The following PDZRN3 variants were observed in gnomAD, a reference collection of about 807,000 sequenced individuals.
PDZRN3 encodes PDZ domain containing ring finger 3.
A neutral mutation model predicts 85.7 loss-of-function variants in PDZRN3; 38 were observed. The observed-to-expected ratio is 0.44, with a 90% CI of 0.34 to 0.58. The LOEUF (loss-of-function observed/expected upper bound fraction) is 0.58, where lower values mean the gene tolerates loss of function less well. Ranked by LOEUF, PDZRN3 falls within the 20% of genes least tolerant of loss-of-function variation. The probability of loss-of-function intolerance (pLI) is 0.01; values close to 1 mark genes in which losing one functional copy is unlikely to be tolerated. For missense variants in PDZRN3, 1,629 were observed against 1,506.4 expected (o/e 1.08, Z -1.35); for synonymous variants, 759 against 638.0 (o/e 1.19, Z -2.86).
At chr3:73,584,187 T>C (rs371782755) in intron 3 of PDZRN3, among the ~76,000 whole-genome samples, 39 of 152,130 alleles carry the variant, frequency 2.6e-4, no homozygotes, top group African/African-American at 8.4e-4. Context: ...GACTTTTACT[T>C]CAATGCTCTT....
intron 3 of PDZRN3, among the ~76,000 whole-genome samples, chr3:73,432,458 G>A (rs950599370): frequency 2.0e-5 from 3 of 152,166 alleles, no homozygotes; most frequent in Admixed American, 1.3e-4. Context: ...AAGGAGAGTA[G>A]CAAGCCTCAA....
chr3:73,383,355 G>A lies in PDZRN3; in HGVS notation c.*10C>T. 1.9e-6 allele frequency: 3 copies of A among 1,591,370 alleles called. No homozygotes were observed. The highest frequency in any genetic ancestry group is 2.6e-6 in the Non-Finnish European group (3 of 1,168,936). ...TGGTCTCCTTTATGTACATAATGCA[G>A]AAGTGAAAATTATACAGTAGTCACC... On this transcript the variant is annotated 3_prime_UTR_variant, in exon 10 of 10. Coordinates refer to ENST00000263666, the MANE Select transcript of PDZRN3 (RefSeq NM_015009.3).
intron 3 of PDZRN3, among the ~76,000 whole-genome samples, chr3:73,519,939 C>T (rs921579725): frequency 6.6e-6 from 1 of 152,156 alleles, no homozygotes; most frequent in South Asian, 2.1e-4. Flanking sequence ...TACAATGCTC[C>T]TGCAGCTGTA....
At chr3:73,483,897 T>C (rs1703614585) in intron 3 of PDZRN3, among the ~76,000 whole-genome samples, 1 of 152,200 alleles carries the variant, frequency 6.6e-6, no homozygotes, top group Non-Finnish European at 1.5e-5. Context: ...TAGAACCATA[T>C]TCTTTACTGG....
chr3:73,550,824 C>T (rs573287252), intron 3 of PDZRN3, among the ~76,000 whole-genome samples: 7 of 152,282 alleles, frequency 4.6e-5, no homozygotes, highest in African/African-American at 1.4e-4. Context: ...AACAAAAACA[C>T]GCTGTTTCAG....
intron 3 of PDZRN3, among the ~76,000 whole-genome samples, chr3:73,444,757 C>T (rs1358197396): frequency 1.3e-5 from 2 of 152,212 alleles, no homozygotes; most frequent in Non-Finnish European, 2.9e-5. Flanking sequence ...CTCTTGGGGC[C>T]ATGCTTTTTG....
chr3:73,530,687 T>C (rs945446176), intron 3 of PDZRN3, among the ~76,000 whole-genome samples: 6 of 152,362 alleles, frequency 3.9e-5, no homozygotes, highest in Non-Finnish European at 7.3e-5. Flanking sequence ...CCAGAAATTT[T>C]GGATTTATTT....
chr3:73,511,002 C>T (rs747551054), intron 3 of PDZRN3, among the ~76,000 whole-genome samples: 1 of 152,142 alleles, frequency 6.6e-6, no homozygotes, highest in South Asian at 2.1e-4. Context: ...AAATACTCTA[C>T]AGTTCTGACA....
chr3:73,581,446 A>G (rs567090599), intron 3 of PDZRN3, among the ~76,000 whole-genome samples: 145 of 152,190 alleles, frequency 9.5e-4, no homozygotes, highest in Non-Finnish European at 1.7e-3. Context: ...TTTATTTAAG[A>G]TTTCTGATTA....
chr3:73,442,677 AGTC>A (rs63210660), intron 3 of PDZRN3, among the ~76,000 whole-genome samples: 2,390 of 147,616 alleles, frequency 0.016, 66 homozygotes, highest in African/African-American at 0.056. Context: ...AATCAGCAGC[AGTC>A]GTCTGAAAAT....
chr3:73,607,418 C>T (rs543907600), intron 2 of PDZRN3, among the ~76,000 whole-genome samples: 135 of 152,252 alleles, frequency 8.9e-4, no homozygotes, highest in African/African-American at 2.9e-3. Context: ...CACCTCCTCC[C>T]GCAGGGTTAA....
At chr3:73,488,532 T>G (rs1703708167) in intron 3 of PDZRN3, among the ~76,000 whole-genome samples, 1 of 152,210 alleles carries the variant, frequency 6.6e-6, no homozygotes, top group Non-Finnish European at 1.5e-5. Context: ...GGGACTTGGC[T>G]TCAATGACTT....
At chr3:73,487,348 G>C (rs539193461) in intron 3 of PDZRN3, among the ~76,000 whole-genome samples, 35 of 152,086 alleles carry the variant, frequency 2.3e-4, no homozygotes, top group African/African-American at 8.2e-4. Context: ...TTTACCTCTG[G>C]GGGGAAAAGC....
intron 3 of PDZRN3, among the ~76,000 whole-genome samples, chr3:73,405,213 G>A (rs142214459): frequency 3.3e-5 from 5 of 152,312 alleles, no homozygotes; most frequent in African/African-American, 7.2e-5. Context: ...AACGTTGGAC[G>A]CGGTGTCCAG....
chr3:73,534,270 T>C (rs1704726832), intron 3 of PDZRN3, among the ~76,000 whole-genome samples: 1 of 152,148 alleles, frequency 6.6e-6, no homozygotes, highest in Admixed American at 6.5e-5. Flanking sequence ...CACATAACAA[T>C]GAAGGGCTGA....
rs66466551 is a variant in PDZRN3, at chr3:73,424,367, CAAAAAAAAAAAAA to C, written c.919-19985_919-19973del. Among the ~76,000 whole-genome samples the C allele has an allele frequency of 1.3e-4, 7 of 54,872 alleles. No homozygotes were observed. The South Asian group carries it at 2.6e-3, about 20-fold the overall frequency. The allele number at this position is 54,872 out of a possible 152,430, so 36.0% of individuals were successfully genotyped here. Reference sequence around the variant, plus strand: ...TAACATGGTGAAACCCCGTCTCTACCAAAAAAAAAAAAAAAAAAAAAAAAATAGCTGAGTGTAG... The same window carrying C: ...TAACATGGTGAAACCCCGTCTCTACCAAAAAAAAAAAATAGCTGAGTGTAG... On this transcript the variant is annotated intron_variant, in intron 3 of 9. Coordinates refer to ENST00000263666, the MANE Select transcript of PDZRN3 (RefSeq NM_015009.3).
chr3:73,410,083 T>C (rs1326083009), intron 3 of PDZRN3, among the ~76,000 whole-genome samples: 1 of 152,236 alleles, frequency 6.6e-6, no homozygotes, highest in Non-Finnish European at 1.5e-5. Flanking sequence ...ATCACACCTA[T>C]GTTTTCAAAC....
chr3:73,433,783 T>G (rs1049071345), intron 3 of PDZRN3: 3 of 1,524,674 alleles, frequency 2.0e-6, no homozygotes, highest in Non-Finnish European at 1.8e-6. Flanking sequence ...AGTGCAGGCA[T>G]TGAAGGTATC....
chr3:73,428,065 G>T (rs532594939), intron 3 of PDZRN3, among the ~76,000 whole-genome samples: 2 of 152,148 alleles, frequency 1.3e-5, no homozygotes, highest in African/African-American at 4.8e-5. Context: ...GGAATAAGGT[G>T]GGTTCTGGGT....
Sources: gnomAD v4.1 joint callset for allele counts (sites outside exome capture counted in the v4.1 genomes callset) on GRCh38, gnomAD v4.1.1 for gene constraint, MANE v1.5 for transcripts, NCBI Gene and HGNC (gene_info 2026-07-23, HGNC 2026-07-21) for gene names.